Variants in CFAP221 observed in about 807,000 individuals in gnomAD.
CFAP221 encodes cilia- and flagella-associated protein 221.
Under a neutral mutation model 113.1 loss-of-function variants are expected in CFAP221, and 97 were observed. That is an observed-to-expected ratio of 0.86 (90% CI 0.73 to 1.02). The LOEUF is 1.02. CFAP221 is among the 50% of genes least tolerant of loss of function. The pLI, the probability that CFAP221 is intolerant of heterozygous loss-of-function variation, is 0.00. For synonymous variants in CFAP221, 331 were observed against 354.4 expected, an observed-to-expected ratio of 0.93 and a Z score of 0.74; for missense variants, 1,025 against 1,013.4, an observed-to-expected ratio of 1.01 and a Z score of -0.16.
chr2:119,647,250 A>G (rs1233471359), intron 22 of CFAP221, among the ~76,000 whole-genome samples, 200 bp downstream of exon 22: 2 of 152,160 alleles, frequency 1.3e-5, no homozygotes, highest in African/African-American at 4.8e-5. Flanking sequence ...TCTAAGCTCT[A>G]TGGCTTCCTG....
chr2:119,637,901 A>G (rs1171488064), intron 19 of CFAP221, among the ~76,000 whole-genome samples: 2 of 152,202 alleles, frequency 1.3e-5, no homozygotes, highest in Non-Finnish European at 2.9e-5. Context: ...GCTTTTTTAA[A>G]CCAGTGTGCT....
chr2:119,548,955 GAT>G (rs1680235539), intron 2 of CFAP221, 128 bp from the exon 3 acceptor site: 1 of 557,938 alleles, frequency 1.8e-6, no homozygotes, highest in Non-Finnish European at 3.0e-6. Flanking sequence ...TTGACAGCTG[GAT>G]CCAATGTCTG....
At chr2:119,648,065 T>C (rs1179723448) in intron 22 of CFAP221, among the ~76,000 whole-genome samples, 1 of 152,182 alleles carries the variant, frequency 6.6e-6, no homozygotes, top group African/African-American at 2.4e-5. Context: ...CCAGGACCCA[T>C]CTCATGGGTG....
chr2:119,596,196 C>T (rs1371364042), intron 7 of CFAP221, among the ~76,000 whole-genome samples: 1 of 152,116 alleles, frequency 6.6e-6, no homozygotes, highest in Non-Finnish European at 1.5e-5. Flanking sequence ...AGGCCTCCCC[C>T]TCAGGAAGGA....
intron 15 of CFAP221, among the ~76,000 whole-genome samples, chr2:119,626,906 G>T (rs983784631): frequency 2.0e-5 from 3 of 151,304 alleles, no homozygotes; most frequent in Non-Finnish European, 2.9e-5. Flanking sequence ...CTCAAGCCCA[G>T]GTGATAGAGC....
intron 20 of CFAP221, among the ~76,000 whole-genome samples, chr2:119,638,766 A>C (rs1374918721): frequency 2.0e-5 from 3 of 152,168 alleles, no homozygotes; most frequent in Non-Finnish European, 2.9e-5. Flanking sequence ...CCCCAAGTGT[A>C]GAAACCAGAA....
intron 14 of CFAP221, among the ~76,000 whole-genome samples, chr2:119,624,893 A>T (rs1686185104): frequency 6.6e-6 from 1 of 152,152 alleles, no homozygotes; most frequent in Non-Finnish European, 1.5e-5. Flanking sequence ...TAGGGGAGGG[A>T]TATCATTAGG....
At chr2:119,562,966 C>T (rs1201709496) in intron 6 of CFAP221, among the ~76,000 whole-genome samples, 2 of 151,958 alleles carry the variant, frequency 1.3e-5, no homozygotes, top group Non-Finnish European at 2.9e-5. Flanking sequence ...GCCTGAACAA[C>T]AAAAAAGACC....
intron 3 of CFAP221, among the ~76,000 whole-genome samples, chr2:119,558,044 C>T (rs1039277825): frequency 6.6e-6 from 1 of 151,628 alleles, no homozygotes; most frequent in Admixed American, 6.6e-5. Context: ...ATATTAAAAC[C>T]AGCTTATGCA....
intron 6 of CFAP221, among the ~76,000 whole-genome samples, chr2:119,562,594 C>G (rs549629789): frequency 6.6e-6 from 1 of 152,280 alleles, no homozygotes; most frequent in Non-Finnish European, 1.5e-5. Context: ...ATATACCCAT[C>G]CATTAACCAA....
intron 20 of CFAP221, 52 bp from the exon 21 acceptor site, chr2:119,639,729 G>T: frequency 6.9e-7 from 1 of 1,442,604 alleles, no homozygotes. Flanking sequence ...AAGTCCTTCA[G>T]AAACTTTACC....
chr2:119,623,126 C>T (rs1574160370), intron 14 of CFAP221, among the ~76,000 whole-genome samples: 1 of 152,204 alleles, frequency 6.6e-6, no homozygotes, highest in Non-Finnish European at 1.5e-5. Flanking sequence ...CCCATTGTCT[C>T]AGCCCCAAAT....
chr2:119,572,754 A>G (rs1375740442), intron 6 of CFAP221: 1 of 550,296 alleles, frequency 1.8e-6, no homozygotes, highest in Non-Finnish European at 3.3e-6. Flanking sequence ...GTGGCTGAAG[A>G]TCTGGTAAAA....
intron 23 of CFAP221, among the ~76,000 whole-genome samples, chr2:119,654,572 A>G (rs1400246546): frequency 6.6e-6 from 1 of 152,178 alleles, no homozygotes; most frequent in Non-Finnish European, 1.5e-5. Context: ...TTATCATTAA[A>G]CGAAATAGAA....
chr2:119,577,706 T>C (rs1248145094), intron 6 of CFAP221, among the ~76,000 whole-genome samples: 1 of 152,124 alleles, frequency 6.6e-6, no homozygotes, highest in Non-Finnish European at 1.5e-5. Flanking sequence ...AGATGACATA[T>C]AAGCACAACA....
intron 7 of CFAP221, among the ~76,000 whole-genome samples, chr2:119,592,399 G>C (rs1683658589): frequency 6.6e-6 from 1 of 152,198 alleles, no homozygotes; most frequent in Admixed American, 6.5e-5. Context: ...CCTTCAGCTG[G>C]AATCTTGGCC....
At chr2:119,580,778 T>C (rs1682800482) in intron 6 of CFAP221, 1 of 152,260 alleles carries the variant, frequency 6.6e-6, no homozygotes, top group Non-Finnish European at 1.5e-5. Flanking sequence ...GCTCCAGGTT[T>C]TGAAGCAGTC....
At chr2:119,563,210 T>C (rs746513655) in intron 6 of CFAP221, among the ~76,000 whole-genome samples, 2 of 152,206 alleles carry the variant, frequency 1.3e-5, no homozygotes, top group Non-Finnish European at 2.9e-5. Flanking sequence ...CACATTCTCC[T>C]GTGTACTTCA....
At chr2:119,614,669 C>T (rs1685405598) in intron 13 of CFAP221, among the ~76,000 whole-genome samples, 1 of 152,212 alleles carries the variant, frequency 6.6e-6, no homozygotes, top group Non-Finnish European at 1.5e-5. Context: ...TATCTGGTCC[C>T]TCCCACAACA....
Sources: gnomAD v4.1 joint callset for allele counts (sites outside exome capture counted in the v4.1 genomes callset) on GRCh38, gnomAD v4.1.1 for gene constraint, MANE v1.5 for transcripts, NCBI Gene and HGNC (gene_info 2026-07-23, HGNC 2026-07-21) for gene names.